The following ANKFN1 variants were observed in gnomAD, a reference collection of about 807,000 sequenced individuals.
ANKFN1 encodes ankyrin repeat and fibronectin type-III domain-containing protein 1.
ANKFN1 carries 74 observed loss-of-function variants against 108.7 expected under a neutral mutation model. That is an observed-to-expected ratio of 0.68 (90% confidence interval 0.56 to 0.83). The LOEUF is 0.83. ANKFN1 is among the 40% of genes least tolerant of loss of function. The pLI is 0.00. For synonymous variants in ANKFN1, 547 were observed against 516.2 expected, an observed-to-expected ratio of 1.06 and a Z score of -0.81; for missense variants, 1,505 against 1,382.3, an observed-to-expected ratio of 1.09 and a Z score of -1.41.
intron 2 of ANKFN1, among the ~76,000 whole-genome samples, chr17:56,222,580 A>G (rs564013202): frequency 6.6e-6 from 1 of 152,340 alleles, no homozygotes; most frequent in South Asian, 2.1e-4. Context: ...GACTAGGGAA[A>G]TTATTACAAA....
chr17:56,291,494 T>G (rs1057164206), intron 3 of ANKFN1, among the ~76,000 whole-genome samples: 1 of 152,300 alleles, frequency 6.6e-6, no homozygotes, highest in Non-Finnish European at 1.5e-5. Flanking sequence ...AGCCACACAT[T>G]TAGGGGCCTT....
At chr17:56,481,593 GAGAGAGAA>G (rs2050704921) in intron 17 of ANKFN1, among the ~76,000 whole-genome samples, 1 of 152,020 alleles carries the variant, frequency 6.6e-6, no homozygotes, top group Non-Finnish European at 1.5e-5. Flanking sequence ...CTTTAAATAC[GAGAGAGAA>G]CCATGAATTG....
Position 56,227,899 on chromosome 17 carries a change from T to A in ANKFN1, c.13-18T>A, listed in dbSNP as rs747599623. On this transcript the variant is annotated intron_variant, in intron 2 of 20. Transcript: ENST00000682825. ...CTGTACAATTTTTTAACATTCTTTT[T>A]TTCTTTCTTTGTTTCAGAGGCTACT... is the stretch of plus-strand genomic sequence containing the variant. 1 of 1,600,614 alleles carries A rather than the reference T, an allele frequency of 6.2e-7. No individual in the cohort carries two copies. Among genetic ancestry groups the A allele is most frequent in the South Asian group, 1.1e-5 (1 of 88,094 alleles).
At chr17:56,191,981 T>C (rs1158395264) in intron 1 of ANKFN1, among the ~76,000 whole-genome samples, 3 of 152,112 alleles carry the variant, frequency 2.0e-5, no homozygotes, top group African/African-American at 4.8e-5. Context: ...CCATTGCTGA[T>C]ACCCTTTCTT....
At chr17:56,347,717 C>T (rs1027290123) in intron 4 of ANKFN1, among the ~76,000 whole-genome samples, 6 of 151,892 alleles carry the variant, frequency 4.0e-5, no homozygotes, top group South Asian at 2.1e-4. Flanking sequence ...AGAGTGGAAA[C>T]GGCTACAGAA....
At chr17:56,182,890 A>G (rs4281786) in intron 1 of ANKFN1, among the ~76,000 whole-genome samples, 72,235 of 151,818 alleles carry the variant, frequency 0.48, 17,349 homozygotes, top group South Asian at 0.64. Context: ...GAAAATCCTA[A>G]GGCCCATAAG....
chr17:56,080,493 G>A (rs187100433), intron 4 of ANKFN1, among the ~76,000 whole-genome samples: 207 of 152,344 alleles, frequency 1.4e-3, no homozygotes, highest in Non-Finnish European at 2.4e-3. Context: ...TAAAAGAGAA[G>A]CTTGTCCAAG....
chr17:56,053,109 G>A (rs4794617), intron 4 of ANKFN1, among the ~76,000 whole-genome samples: 79,533 of 151,902 alleles, frequency 0.52, 23,171 homozygotes, highest in Middle Eastern at 0.68. Flanking sequence ...ACTATGTACC[G>A]GATACTTTTT....
At chr17:56,453,697 G>A (rs948221324) in intron 11 of ANKFN1, among the ~76,000 whole-genome samples, 2 of 152,038 alleles carry the variant, frequency 1.3e-5, no homozygotes, top group Non-Finnish European at 2.9e-5. Context: ...GGGGGCTTGG[G>A]AACTAATTTT....
intron 1 of ANKFN1, among the ~76,000 whole-genome samples, chr17:56,198,338 G>C (rs1213344941): frequency 2.0e-5 from 3 of 152,124 alleles, no homozygotes; most frequent in African/African-American, 7.2e-5. Flanking sequence ...TCATGACCTC[G>C]ATCTCTCACA....
chr17:56,055,802 C>T lies in ANKFN1; in HGVS notation c.288+9477C>T, dbSNP rs1434993641. On this transcript the variant is annotated intron_variant, in intron 4 of 12. Transcript: ENST00000635860. ...TTTAGTTCTTTGAGAAATCTCTATACTGTTTTCCATAGAGGTTGAAATAAT... is the reference window on the plus strand; with the variant it reads ...TTTAGTTCTTTGAGAAATCTCTATATTGTTTTCCATAGAGGTTGAAATAAT... Among the ~76,000 whole-genome samples the T allele has an allele frequency of 8.6e-5, 13 of 151,314 alleles. No individual in the cohort carries two copies. The South Asian group carries it at 1.9e-3, about 22-fold the overall frequency.
intron 3 of ANKFN1, among the ~76,000 whole-genome samples, chr17:56,300,156 C>G (rs1280106550): frequency 6.6e-6 from 1 of 152,048 alleles, no homozygotes; most frequent in Non-Finnish European, 1.5e-5. Context: ...ACAAGGAAAA[C>G]CTGAAGAAGA....
chr17:56,048,774 T>C (rs1326261153), intron 4 of ANKFN1, among the ~76,000 whole-genome samples: 1 of 152,192 alleles, frequency 6.6e-6, no homozygotes, highest in Admixed American at 6.5e-5. Flanking sequence ...GCCAGCCTAG[T>C]TCCAAGCCCT....
At chr17:56,101,386 C>G (rs1321022692) in intron 4 of ANKFN1, among the ~76,000 whole-genome samples, 3 of 152,178 alleles carry the variant, frequency 2.0e-5, no homozygotes, top group Admixed American at 6.5e-5. Flanking sequence ...TGCCAAACTT[C>G]CCTCCTCATT....
At chr17:56,232,808 G>A (rs1198925929) in intron 3 of ANKFN1, among the ~76,000 whole-genome samples, 2 of 152,010 alleles carry the variant, frequency 1.3e-5, no homozygotes, top group African/African-American at 4.8e-5. Flanking sequence ...ACCCAGACTG[G>A]GACCTATCTT....
intron 8 of ANKFN1, among the ~76,000 whole-genome samples, chr17:56,409,086 A>C (rs1366202047): frequency 1.1e-5 from 1 of 87,106 alleles, no homozygotes; most frequent in East Asian, 2.7e-3. Context: ...CACCATGCCC[A>C]GCTAATTTTT....
At chr17:56,306,610 C>T (rs1163616758) in intron 3 of ANKFN1, among the ~76,000 whole-genome samples, 2 of 152,200 alleles carry the variant, frequency 1.3e-5, no homozygotes, top group Admixed American at 1.3e-4. Flanking sequence ...ATTCCATGCT[C>T]ATGGGTAGAA....
intron 15 of ANKFN1, among the ~76,000 whole-genome samples, chr17:56,467,832 AAGAAAGAAAGAAAG>A (rs2050174433): frequency 2.4e-5 from 1 of 42,440 alleles, no homozygotes; most frequent in Non-Finnish European, 4.3e-5. Context: ...GAAAGAAAGA[AAGAAAGAAAGAAAG>A]AAAGAAAAAG....
intron 8 of ANKFN1, among the ~76,000 whole-genome samples, chr17:56,418,896 T>C (rs926618431): frequency 5.3e-5 from 8 of 152,228 alleles, no homozygotes; most frequent in African/African-American, 1.9e-4. Flanking sequence ...TCTGCGCAAT[T>C]TGTAGAACTG....
Sources: gnomAD v4.1 joint callset for allele counts (sites outside exome capture counted in the v4.1 genomes callset) on GRCh38, gnomAD v4.1.1 for gene constraint, MANE v1.5 for transcripts, NCBI Gene and HGNC (gene_info 2026-07-23, HGNC 2026-07-21) for gene names.